The following CLDN11 variants were observed in gnomAD, a reference collection of about 807,000 sequenced individuals.
CLDN11 encodes claudin-11.
CLDN11 carries 1 observed loss-of-function variant against 18.0 expected under a neutral mutation model. That is an observed-to-expected ratio of 0.06 (90% confidence interval 0.02 to 0.26). The LOEUF is 0.26. Among genes scored for constraint, CLDN11 ranks in the 10% least tolerant of loss-of-function variants. The pLI is 1.00. For synonymous variants in CLDN11, 116 were observed against 121.5 expected (o/e 0.96, Z 0.30); for missense variants, 172 against 276.6 (o/e 0.62, Z 2.68).
chr3:170,423,922 G>C (rs1215236979), intron 2 of CLDN11, among the ~76,000 whole-genome samples: 1 of 151,738 alleles, frequency 6.6e-6, no homozygotes, highest in African/African-American at 2.4e-5. Flanking sequence ...CTCGGGGCGG[G>C]GGTTGCTAAG....
At position 170,418,883 on chromosome 3, in the gene CLDN11, G is replaced by C. The variant is rs1042233428; in HGVS notation, c.-184G>C. The C allele has an allele frequency of 7.6e-6, 4 of 527,614 alleles. No homozygotes were observed. Among genetic ancestry groups the C allele is most frequent in the East Asian group, 3.4e-5 (1 of 29,506 alleles). 32.7% of individuals were successfully genotyped at this position (527,614 alleles called of 1,614,324 possible). On this transcript the variant is annotated 5_prime_UTR_variant, in exon 1 of 3. Coordinates refer to ENST00000064724, the MANE Select transcript of CLDN11 (RefSeq NM_005602.6). This position sits in a 1 kb window ranked among gnomAD's most constrained non-coding sequence, Gnocchi z 4.3. ...GCTGCCCAGCAGCGCTGCTGTCCCC[G>C]CCGTGCGCCCTTCGCCGCTGAGCTC... is the stretch of plus-strand genomic sequence containing the variant.
At chr3:170,430,954 A>G (rs1738989755) in intron 2 of CLDN11, among the ~76,000 whole-genome samples, 1 of 152,078 alleles carries the variant, frequency 6.6e-6, no homozygotes, top group African/African-American at 2.4e-5. Flanking sequence ...CTTCCTTCTG[A>G]TTTCCTCTTG....
In CLDN11 at chr3:170,428,062, A is replaced by T. The variant is rs148902531; in HGVS notation, c.392-4462A>T. Among the ~76,000 whole-genome samples the T allele has an allele frequency of 4.7e-3, 688 of 146,578 alleles. 7 individuals are homozygous for T. In the East Asian group the frequency reaches 0.05, roughly 11 times the overall value. Reference sequence around the variant, plus strand: ...ATTCCAGCTACTTGGGAGGCTGAGGATTGATGCTCGGGAGAATGAGTCTGC... The same window carrying T: ...ATTCCAGCTACTTGGGAGGCTGAGGTTTGATGCTCGGGAGAATGAGTCTGC... On this transcript the variant is annotated intron_variant, in intron 2 of 2. Transcript: ENST00000064724.
chr3:170,424,023 C>CAAAAAAAAAAAAA (rs58373106), intron 2 of CLDN11, among the ~76,000 whole-genome samples: 1 of 120,276 alleles, frequency 8.3e-6, no homozygotes. Flanking sequence ...AGTGCAACTC[C>CAAAAAAAAAAAAA]AAAAAAAAAA....
At position 170,419,192 on chromosome 3, in the gene CLDN11, C is replaced by A. The variant is rs1419245717; in HGVS notation, c.126C>A (p.Arg42=). Residue 42 remains arginine (R), a synonymous_variant, in exon 1 of 3, where the codon CGC becomes CGA. Coordinates refer to ENST00000064724, the MANE Select transcript of CLDN11 (RefSeq NM_005602.6). This position sits in a 1 kb window ranked among gnomAD's most constrained non-coding sequence, Gnocchi z 8.6. ...VTCGYTIPTC[R]KLDELGSKGL... ...GCGGCTACACCATCCCCACCTGCCG[C>A]AAGCTGGATGAGCTGGGCTCCAAGG... 1 of 1,564,314 alleles carries A rather than the reference C, an allele frequency of 6.4e-7. No homozygotes were observed. Among genetic ancestry groups the A allele is most frequent in the East Asian group, 2.4e-5 (1 of 41,598 alleles).
intron 2 of CLDN11, among the ~76,000 whole-genome samples, chr3:170,427,862 A>G (rs1043059579): frequency 4.6e-5 from 7 of 151,668 alleles, no homozygotes; most frequent in African/African-American, 1.7e-4. Context: ...AAAGCTTGAA[A>G]AAAGGTTCAC....
chr3:170,425,929 G>A (rs138856191), intron 2 of CLDN11, among the ~76,000 whole-genome samples: 2 of 152,268 alleles, frequency 1.3e-5, no homozygotes, highest in Admixed American at 6.5e-5. Flanking sequence ...TTCTCACCAC[G>A]GAGCCCCAAG....
intron 1 of CLDN11, among the ~76,000 whole-genome samples, chr3:170,421,952 G>A (rs976447265): frequency 2.0e-5 from 3 of 152,148 alleles, no homozygotes; most frequent in African/African-American, 4.8e-5. Context: ...ATGATCTGTT[G>A]TGGGCACTGT....
chr3:170,431,944 T>C (rs1485008579), intron 2 of CLDN11, among the ~76,000 whole-genome samples: 1 of 152,244 alleles, frequency 6.6e-6, no homozygotes, highest in Non-Finnish European at 1.5e-5. Flanking sequence ...CTCCAGATCT[T>C]TGTAATGTGA....
At chr3:170,430,894 GGCTGTTAGAAAGCCAA>G (rs1447679017) in intron 2 of CLDN11, among the ~76,000 whole-genome samples, 1 of 152,006 alleles carries the variant, frequency 6.6e-6, no homozygotes, top group Non-Finnish European at 1.5e-5. Context: ...AGTGAATTTG[GGCTGTTAGAAAGCCAA>G]TCTGGGCAAT....
At position 170,419,285 on chromosome 3, in the gene CLDN11, C is replaced by A; in HGVS notation, c.219C>A (p.Ile73=). 1 of 1,557,428 alleles carries A rather than the reference C, an allele frequency of 6.4e-7. No individual in the cohort carries two copies. The highest frequency in any genetic ancestry group is 8.7e-7 in the Non-Finnish European group (1 of 1,149,166). Residue 73 remains isoleucine (I), a synonymous_variant, in exon 1 of 3, where the codon ATC becomes ATA. Coordinates refer to ENST00000064724, the MANE Select transcript of CLDN11 (RefSeq NM_005602.6). The surrounding 1 kb of genome is among the most constrained non-coding windows in gnomAD (Gnocchi z 8.6). ...YHCKPLVDIL[I]LPGYVQACRA... ...GCAAGCCCCTGGTGGACATCCTCAT[C>A]CTGCCGGGTAAGGACCCGAGCTTGG...
At chr3:170,427,361 C>T (rs973685202) in intron 2 of CLDN11, among the ~76,000 whole-genome samples, 5 of 152,178 alleles carry the variant, frequency 3.3e-5, no homozygotes, top group Admixed American at 3.3e-4. Context: ...GTGGCTCACA[C>T]CTGTAATCAC....
intron 2 of CLDN11, among the ~76,000 whole-genome samples, chr3:170,428,646 G>T (rs1738922598): frequency 1.3e-5 from 2 of 151,666 alleles, no homozygotes; most frequent in African/African-American, 4.9e-5. Context: ...CTCATTTTTA[G>T]CTAAGAATAT....
Position 170,433,076 on chromosome 3 carries a change from T to C in CLDN11, c.*320T>C, listed in dbSNP as rs1304620695. 1 of 152,446 alleles carries C rather than the reference T, an allele frequency of 6.6e-6. No individual in the cohort carries two copies. Among genetic ancestry groups the C allele is most frequent in the Non-Finnish European group, 1.4e-5 (1 of 70,130 alleles). The allele number at this position is 152,446 out of a possible 1,614,324, so 9.4% of individuals were successfully genotyped here. On this transcript the variant is annotated 3_prime_UTR_variant, in exon 3 of 3. Transcript: ENST00000064724. Reference sequence around the variant, plus strand: ...ATATTTTGTTTCTTTAAATTTCAAATGTTTTGCAAACATCACTGAGTTAGG... The same window carrying C: ...ATATTTTGTTTCTTTAAATTTCAAACGTTTTGCAAACATCACTGAGTTAGG...
intron 2 of CLDN11, among the ~76,000 whole-genome samples, chr3:170,425,981 G>T (rs890208716): frequency 6.6e-6 from 1 of 152,198 alleles, no homozygotes; most frequent in Non-Finnish European, 1.5e-5. Flanking sequence ...GGAGCATGGG[G>T]ACTGAAGGCT....
At chr3:170,428,145 A>G (rs958983753) in intron 2 of CLDN11, among the ~76,000 whole-genome samples, 5 of 151,818 alleles carry the variant, frequency 3.3e-5, no homozygotes, top group African/African-American at 9.7e-5. Flanking sequence ...CCTATCAAAA[A>G]AAAAAAAAAA....
chr3:170,427,217 TTAGA>T (rs1294723518), intron 2 of CLDN11, among the ~76,000 whole-genome samples: 2 of 152,212 alleles, frequency 1.3e-5, no homozygotes, highest in East Asian at 1.9e-4. Context: ...AAAGGAAATC[TTAGA>T]TAGCATATCA....
chr3:170,428,424 C>T (rs1276437230), intron 2 of CLDN11, among the ~76,000 whole-genome samples: 1 of 152,160 alleles, frequency 6.6e-6, no homozygotes, highest in Non-Finnish European at 1.5e-5. Flanking sequence ...CACCATCATT[C>T]TTAGTTTTTA....
At position 170,419,203 on chromosome 3, in the gene CLDN11, A is replaced by C; in HGVS notation, c.137A>C (p.Glu46Ala). The C allele has an allele frequency of 6.4e-7, 1 of 1,568,256 alleles. No individual in the cohort carries two copies. The highest frequency in any genetic ancestry group is 8.6e-7 in the Non-Finnish European group (1 of 1,156,758). Reference protein sequence around the residue: ...YTIPTCRKLDELGSKGLWADC... With the variant: ...YTIPTCRKLDALGSKGLWADC... ...ATCCCCACCTGCCGCAAGCTGGATG[A>C]GCTGGGCTCCAAGGGGCTGTGGGCC... The change falls in exon 1 of 3, where the codon GAG (glutamate) becomes GCG (alanine). Residue 46 changes from glutamate (E) to alanine (A), a missense_variant. Transcript: ENST00000064724. This position sits in a 1 kb window ranked among gnomAD's most constrained non-coding sequence, Gnocchi z 8.6.
Sources: allele counts gnomAD v4.1 joint callset (sites outside exome capture counted in the v4.1 genomes callset), GRCh38; gene constraint gnomAD v4.1.1; non-coding constraint Gnocchi (gnomAD v3.1); transcripts MANE v1.5; gene names NCBI Gene and HGNC (gene_info 2026-07-23, HGNC 2026-07-21).